Variants in KCNIP4 observed in about 807,000 individuals in gnomAD.
The protein encoded by KCNIP4 is Kv channel-interacting protein 4.
Under a neutral mutation model 34.0 loss-of-function variants are expected in KCNIP4, and 12 were observed. The observed-to-expected ratio is 0.35, with a 90% confidence interval of 0.23 to 0.57. The LOEUF is 0.57. Ranked by LOEUF, KCNIP4 falls within the 20% of genes least tolerant of loss-of-function variation. The probability of loss-of-function intolerance (pLI) is 0.83; values close to 1 mark genes in which losing one functional copy is unlikely to be tolerated. For missense variants in KCNIP4, 238 were observed against 311.7 expected (o/e 0.76, Z 1.78); for synonymous variants, 124 against 102.2 (o/e 1.21, Z -1.29).
At chr4:20,807,134 T>G (rs1411336164) in intron 3 of KCNIP4, among the ~76,000 whole-genome samples, 1 of 152,178 alleles carries the variant, frequency 6.6e-6, no homozygotes. Context: ...TGTGAAACCT[T>G]CCTTTGTAGA....
intron 1 of KCNIP4, among the ~76,000 whole-genome samples, chr4:21,797,669 G>T (rs890478230): frequency 3.3e-5 from 5 of 152,034 alleles, no homozygotes; most frequent in African/African-American, 1.2e-4. Flanking sequence ...TTTTTACTGG[G>T]TTATCTTCTT....
chr4:20,933,837 G>C (rs769431678), intron 1 of KCNIP4, among the ~76,000 whole-genome samples: 25 of 151,950 alleles, frequency 1.6e-4, no homozygotes, highest in Non-Finnish European at 3.7e-4. Context: ...GTTTATTCAG[G>C]GTCTCTTGGC....
In KCNIP4 at chr4:21,655,259, G is replaced by A. The variant is rs185783998; in HGVS notation, c.61+293312C>T. On this transcript the variant is annotated intron_variant, in intron 1 of 8. Coordinates refer to ENST00000382152, the MANE Select transcript of KCNIP4 (RefSeq NM_025221.6). ...CCTAGAAGTGCTGACCATATGCCTC[G>A]GTGGCTGAGGAGATGGCTACTTAAT... is the stretch of plus-strand genomic sequence containing the variant. Among the ~76,000 whole-genome samples the A allele has an allele frequency of 3.2e-3, 494 of 152,078 alleles. 2 individuals carry two copies. Among genetic ancestry groups the A allele is most frequent in the African/African-American group, 0.011 (456 of 41,502 alleles).
chr4:20,770,359 G>T (rs1755760911), intron 3 of KCNIP4, among the ~76,000 whole-genome samples: 1 of 151,974 alleles, frequency 6.6e-6, no homozygotes. Context: ...TATGCTGAGT[G>T]TTCCCCGTCT....
At chr4:21,705,635 G>C (rs573103785) in intron 1 of KCNIP4, among the ~76,000 whole-genome samples, 2 of 152,074 alleles carry the variant, frequency 1.3e-5, no homozygotes, top group African/African-American at 4.8e-5. Context: ...CGAATGGAGG[G>C]AAGGGATGGC....
intron 1 of KCNIP4, among the ~76,000 whole-genome samples, chr4:21,549,353 GT>G (rs1384508762): frequency 2.6e-5 from 4 of 151,896 alleles, no homozygotes; most frequent in Non-Finnish European, 5.9e-5. Context: ...GGTGGGAGGG[GT>G]TTTGGTCATG....
At chr4:20,958,913 T>C (rs1017690607) in intron 1 of KCNIP4, among the ~76,000 whole-genome samples, 2 of 152,080 alleles carry the variant, frequency 1.3e-5, no homozygotes, top group Non-Finnish European at 2.9e-5. Context: ...TATGAAAAAA[T>C]TGACATTGCT....
chr4:21,248,429 C>T lies in KCNIP4; in HGVS notation c.62-365720G>A, dbSNP rs111897191. Among the ~76,000 whole-genome samples, 358 of 152,256 alleles carry T rather than the reference C, an allele frequency of 2.4e-3. 4 individuals carry two copies. Among genetic ancestry groups the T allele is most frequent in the Non-Finnish European group, 2.5e-3 (169 of 68,022 alleles). ...TTCACACCTTCCCCTTGGGAATCTT[C>T]GCACGGATTTGCTAATTGGGTTTCT... On this transcript the variant is annotated intron_variant, in intron 1 of 8. Coordinates refer to ENST00000382152, the MANE Select transcript of KCNIP4 (RefSeq NM_025221.6).
intron 1 of KCNIP4, among the ~76,000 whole-genome samples, chr4:21,814,059 T>A (rs889494280): frequency 9.2e-5 from 14 of 152,304 alleles, no homozygotes; most frequent in East Asian, 3.9e-4. Context: ...CGGTTTTTTT[T>A]AATCATTATT....
intron 1 of KCNIP4, among the ~76,000 whole-genome samples, chr4:21,232,179 A>G (rs1299263598): frequency 6.6e-6 from 1 of 152,148 alleles, no homozygotes; most frequent in East Asian, 1.9e-4. Flanking sequence ...AAGCACAGGT[A>G]CAAATTCCTT....
At chr4:20,991,521 G>T (rs1322690885) in intron 1 of KCNIP4, among the ~76,000 whole-genome samples, 2 of 152,142 alleles carry the variant, frequency 1.3e-5, no homozygotes, top group African/African-American at 4.8e-5. Context: ...ATAGATGAAT[G>T]GGGCCTGTGT....
At chr4:21,144,178 T>G (rs1752185372) in intron 1 of KCNIP4, among the ~76,000 whole-genome samples, 1 of 152,182 alleles carries the variant, frequency 6.6e-6, no homozygotes, top group Non-Finnish European at 1.5e-5. Flanking sequence ...AATAAACCAG[T>G]ATTATATTTG....
intron 1 of KCNIP4, among the ~76,000 whole-genome samples, chr4:21,015,299 T>A (rs995777532): frequency 7.4e-5 from 11 of 148,634 alleles, no homozygotes; most frequent in African/African-American, 2.7e-4. Flanking sequence ...TTATATATAT[T>A]ATAAAAATGG....
At chr4:21,517,044 T>C (rs1263721233) in intron 1 of KCNIP4, among the ~76,000 whole-genome samples, 1 of 152,106 alleles carries the variant, frequency 6.6e-6, no homozygotes, top group Non-Finnish European at 1.5e-5. Flanking sequence ...CCCAAGTCCA[T>C]GAAACACTCA....
chr4:21,202,184 G>T (rs1048576958), intron 1 of KCNIP4, among the ~76,000 whole-genome samples: 1 of 152,170 alleles, frequency 6.6e-6, no homozygotes, highest in Non-Finnish European at 1.5e-5. Flanking sequence ...CATCACAGCT[G>T]TCTGTAATGT....
At chr4:20,923,065 G>T (rs959415869) in intron 1 of KCNIP4, among the ~76,000 whole-genome samples, 9 of 152,202 alleles carry the variant, frequency 5.9e-5, no homozygotes, top group African/African-American at 2.2e-4. Flanking sequence ...GGAGTGATTT[G>T]TCAAAAGACT....
At chr4:21,744,812 G>T (rs1447267063) in intron 1 of KCNIP4, among the ~76,000 whole-genome samples, 1 of 152,086 alleles carries the variant, frequency 6.6e-6, no homozygotes, top group Non-Finnish European at 1.5e-5. Context: ...AATATATTTT[G>T]CTACAAAAAA....
chr4:21,708,938 G>A (rs190633344), intron 1 of KCNIP4, among the ~76,000 whole-genome samples: 321 of 152,066 alleles, frequency 2.1e-3, no homozygotes, highest in Non-Finnish European at 3.6e-3. Flanking sequence ...TTAAACTTTC[G>A]AATTCAGCAT....
At position 21,151,733 on chromosome 4, in the gene KCNIP4, A is replaced by T. The variant is rs191805236; in HGVS notation, c.62-269024T>A. Reference sequence around the variant, plus strand: ...TCCACAGCCCTCCCTCTGTGCTTGTATCACTGCTTTTTCTTCCTTGCTGTG... The same window carrying T: ...TCCACAGCCCTCCCTCTGTGCTTGTTTCACTGCTTTTTCTTCCTTGCTGTG... On this transcript the variant is annotated intron_variant, in intron 1 of 8. Transcript: ENST00000382152. 3.9e-5 allele frequency among the ~76,000 whole-genome samples: 6 copies of T among 152,218 alleles called. No individual in the cohort carries two copies. In the East Asian group the frequency reaches 1.2e-3, roughly 30 times the overall value.
Sources: allele counts gnomAD v4.1 joint callset (sites outside exome capture counted in the v4.1 genomes callset), GRCh38; gene constraint gnomAD v4.1.1; transcripts MANE v1.5; gene names NCBI Gene and HGNC (gene_info 2026-07-23, HGNC 2026-07-21).